The following TENM1 variants were observed in gnomAD, a reference collection of about 807,000 sequenced individuals.
TENM1 encodes teneurin transmembrane protein 1.
A neutral mutation model predicts 174.8 loss-of-function variants in TENM1; 35 were observed. The observed-to-expected ratio is 0.20, with a 90% confidence interval of 0.15 to 0.27. TENM1 has a LOEUF of 0.27. Among genes scored for constraint, TENM1 ranks in the 10% least tolerant of loss-of-function variants. TENM1 has a pLI of 1.00. For missense variants in TENM1, 1,633 were observed against 2,130.1 expected (o/e 0.77, Z 4.59); for synonymous variants, 781 against 798.7 (o/e 0.98, Z 0.37).
At chrX:124,771,528 A>G (rs1023654055) in intron 3 of TENM1, among the ~76,000 whole-genome samples, 1 of 112,606 alleles carries the variant, frequency 8.9e-6, no homozygotes, top group Non-Finnish European at 1.9e-5. Context: ...ATGCACAGAA[A>G]TACGTAAGCT....
At chrX:124,760,026 C>T (rs982688818) in intron 3 of TENM1, among the ~76,000 whole-genome samples, 5 of 111,192 alleles carry the variant, frequency 4.5e-5, no homozygotes, top group Non-Finnish European at 5.7e-5. Context: ...CACCCTTTCA[C>T]GACTAATTGT....
chrX:125,001,925 TC>T, the TENM1 span, among the ~76,000 whole-genome samples: 1 of 67,269 alleles, frequency 1.5e-5, no homozygotes, highest in Non-Finnish European at 2.9e-5. Flanking sequence ...TCTAGAGAGA[TC>T]ACACACACAC....
the TENM1 span, among the ~76,000 whole-genome samples, chrX:125,140,992 G>C: frequency 9.0e-6 from 1 of 111,447 alleles, no homozygotes; most frequent in Non-Finnish European, 1.9e-5. Flanking sequence ...GAGTATATCT[G>C]GAAGTAAAGT....
chrX:124,446,049 T>G (rs1369123865), intron 23 of TENM1, among the ~76,000 whole-genome samples: 1 of 112,656 alleles, frequency 8.9e-6, no homozygotes, highest in Non-Finnish European at 1.9e-5. Flanking sequence ...ATGGATGATT[T>G]TATTGTCAAA....
intron 23 of TENM1, among the ~76,000 whole-genome samples, chrX:124,430,199 T>A (rs2060763399): frequency 9.0e-6 from 1 of 111,725 alleles, no homozygotes; most frequent in African/African-American, 3.3e-5. Flanking sequence ...ATAGACATAG[T>A]CCCTGCCTTC....
At chrX:124,509,556 G>A (rs1410146843) in intron 18 of TENM1, among the ~76,000 whole-genome samples, 1 of 110,800 alleles carries the variant, frequency 9.0e-6, no homozygotes, top group Non-Finnish European at 1.9e-5. Flanking sequence ...GGAAAGTGAG[G>A]TGCTGTTATT....
the TENM1 span, among the ~76,000 whole-genome samples, chrX:125,035,253 T>C: frequency 9.0e-6 from 1 of 111,621 alleles, no homozygotes; most frequent in Admixed American, 9.5e-5. Flanking sequence ...AGATTTTTTG[T>C]AGAGTTGATA....
At chrX:124,984,861 T>C in the TENM1 span, among the ~76,000 whole-genome samples, 2 of 112,123 alleles carry the variant, frequency 1.8e-5, no homozygotes, top group Non-Finnish European at 1.9e-5. Context: ...ATTCCTCTAA[T>C]AGGTTTCACT....
intron 24 of TENM1, among the ~76,000 whole-genome samples, chrX:124,421,639 G>A (rs1165689593): frequency 4.8e-5 from 5 of 103,177 alleles, no homozygotes; most frequent in South Asian, 4.2e-4. Flanking sequence ...TTCCAATTTC[G>A]ATTAGAAGAA....
chrX:125,161,190 T>C, the TENM1 span, among the ~76,000 whole-genome samples: 1 of 110,659 alleles, frequency 9.0e-6, no homozygotes, highest in Non-Finnish European at 1.9e-5. Context: ...AACACCAAAA[T>C]CTGAGCATTC....
chrX:124,495,132 G>C (rs1324639122), intron 20 of TENM1, among the ~76,000 whole-genome samples: 1 of 104,373 alleles, frequency 9.6e-6, no homozygotes, highest in Non-Finnish European at 2.0e-5. Context: ...CCCACCAACA[G>C]TGTAAAAGTG....
In TENM1 at chrX:124,496,411, G is replaced by T. The variant is rs772721927; in HGVS notation, c.3695+605C>A. Among the ~76,000 whole-genome samples the T allele has an allele frequency of 4.5e-5, 5 of 111,581 alleles. No homozygotes were observed. The South Asian group carries it at 1.9e-3, about 42-fold the overall frequency. Reference sequence around the variant, plus strand: ...CAGGATATGGAATACTAAAAGCTACGAATTCCTTACAAAAGGTGTCAAAAT... The same window carrying T: ...CAGGATATGGAATACTAAAAGCTACTAATTCCTTACAAAAGGTGTCAAAAT... On this transcript the variant is annotated intron_variant, in intron 20 of 31. Transcript: ENST00000422452.
chrX:124,586,937 A>T lies in TENM1; in HGVS notation c.2078-21377T>A, dbSNP rs181025392. The stretch of plus-strand genomic sequence containing the variant: ...AAATCATGAGTGAACTCCCATTCAC[A>T]ATTGCTTCAAAGAGAATAAAATACC... On this transcript the variant is annotated intron_variant, in intron 11 of 31. Coordinates refer to ENST00000422452, the Ensembl canonical transcript of TENM1. Among the ~76,000 whole-genome samples, 213 of 110,841 alleles carry T rather than the reference A, an allele frequency of 1.9e-3. 1 individual carries two copies. Among genetic ancestry groups the T allele is most frequent in the Admixed American group, 0.018 (190 of 10,414 alleles).
the TENM1 span, among the ~76,000 whole-genome samples, chrX:125,057,239 A>ATT: frequency 9.0e-6 from 1 of 111,697 alleles, no homozygotes; most frequent in East Asian, 2.8e-4. Context: ...AGAAATACAC[A>ATT]TAAAGAAAAT....
chrX:124,561,420 T>C (rs890879596), intron 14 of TENM1, among the ~76,000 whole-genome samples: 5 of 110,930 alleles, frequency 4.5e-5, no homozygotes, highest in African/African-American at 1.6e-4. Context: ...TACCTATACC[T>C]CATAGGGTTA....
intron 5 of TENM1, among the ~76,000 whole-genome samples, chrX:124,683,281 T>C (rs1476407970): frequency 8.9e-6 from 1 of 111,895 alleles, no homozygotes; most frequent in Non-Finnish European, 1.9e-5. Context: ...CCTATTTTTC[T>C]ACCTCAGTCT....
the TENM1 span, among the ~76,000 whole-genome samples, chrX:125,197,447 C>T: frequency 7.6e-4 from 85 of 111,694 alleles, no homozygotes; most frequent in African/African-American, 2.4e-3. Flanking sequence ...GAAGCTGGAA[C>T]CATCCAGATG....
At chrX:124,712,361 CCTT>C (rs1313569471) in intron 4 of TENM1, among the ~76,000 whole-genome samples, 2 of 110,521 alleles carry the variant, frequency 1.8e-5, no homozygotes, top group South Asian at 3.9e-4. Flanking sequence ...TTGTAATTTT[CCTT>C]CTTCTTTTTT....
the TENM1 span, among the ~76,000 whole-genome samples, chrX:125,201,267 G>A: frequency 8.9e-6 from 1 of 112,192 alleles, no homozygotes; most frequent in Non-Finnish European, 1.9e-5. Context: ...GAAACACTGA[G>A]AATTCTAGGG....
Sources: allele counts gnomAD v4.1 joint callset (sites outside exome capture counted in the v4.1 genomes callset), GRCh38; gene constraint gnomAD v4.1.1; transcripts MANE v1.5; gene names NCBI Gene and HGNC (gene_info 2026-07-23, HGNC 2026-07-21).